The following PTDSS1 variants were observed in gnomAD, a reference collection of about 807,000 sequenced individuals.
PTDSS1 encodes the protein PSS-1.
PTDSS1 carries 45 observed loss-of-function variants against 70.5 expected under a neutral mutation model. The ratio of observed to expected loss-of-function variants is 0.64; its 90% confidence interval spans 0.50 to 0.82. PTDSS1 has a LOEUF of 0.82. Among genes scored for constraint, PTDSS1 ranks in the 40% least tolerant of loss-of-function variants. The probability of loss-of-function intolerance (pLI) is 0.00; values close to 1 mark genes in which losing one functional copy is unlikely to be tolerated. For missense variants in PTDSS1, 417 were observed against 586.1 expected (o/e 0.71, Z 2.98); for synonymous variants, 188 against 203.8 (o/e 0.92, Z 0.66).
At chr8:96,292,289 C>CAAAAAAAA (rs34282078) in intron 4 of PTDSS1, among the ~76,000 whole-genome samples, 5 of 87,804 alleles carry the variant, frequency 5.7e-5, no homozygotes, top group African/African-American at 6.9e-5. Flanking sequence ...AACGCTGTCT[C>CAAAAAAAA]AAAAAAAAAA....
At chr8:96,309,288 A>G in intron 8 of PTDSS1, 1 of 247,558 alleles carries the variant, frequency 4.0e-6, no homozygotes. Context: ...GGTTGCGATC[A>G]GTTAGTTGTA....
Position 96,330,682 on chromosome 8 carries a change from G to A in PTDSS1, c.1243-344G>A, listed in dbSNP as rs1811502561. On this transcript the variant is annotated intron_variant, in intron 11 of 12. Transcript: ENST00000517309. ...CGCTTGCCCTGACCTTCATTTAGTAGATATGAGGATACCATAGAAAATAGA... is the reference window on the plus strand; with the variant it reads ...CGCTTGCCCTGACCTTCATTTAGTAAATATGAGGATACCATAGAAAATAGA... The A allele has an allele frequency of 1.6e-5, 6 of 372,288 alleles. No homozygotes were observed. The South Asian group carries it at 2.0e-4, about 12-fold the overall frequency. The allele number at this position is 372,288 out of a possible 1,614,324, so 23.1% of individuals were successfully genotyped here.
At chr8:96,276,208 T>G (rs1284639385) in intron 2 of PTDSS1, among the ~76,000 whole-genome samples, 1 of 152,234 alleles carries the variant, frequency 6.6e-6, no homozygotes, top group East Asian at 1.9e-4. Context: ...AGGCGTCCCT[T>G]CTCTAAGTCT....
chr8:96,336,318 C>T lies in PTDSS1; in HGVS notation c.*2752C>T, dbSNP rs549254889. On this transcript the variant is annotated 3_prime_UTR_variant, in exon 13 of 13. Coordinates refer to ENST00000517309, the MANE Select transcript of PTDSS1 (RefSeq NM_014754.3). ...TTCCCTCAGAAGCCACCGTGTAGCA[C>T]CCTGGAATGATGCCTCTTTATGCCA... 4 of 152,104 alleles carry T rather than the reference C, an allele frequency of 2.6e-5. No homozygotes were observed. The highest frequency in any genetic ancestry group is 9.7e-5 in the African/African-American group (4 of 41,332). 9.4% of individuals were successfully genotyped at this position (152,104 alleles called of 1,614,324 possible). A position where few individuals can be genotyped will look rare whatever the true frequency, so the allele number is the denominator to read the frequency against.
In PTDSS1 at chr8:96,299,647, C is replaced by T. The variant is rs201256591; in HGVS notation, c.601-47C>T. On this transcript the variant is annotated intron_variant, in intron 5 of 12. Coordinates refer to ENST00000517309, the MANE Select transcript of PTDSS1 (RefSeq NM_014754.3). ...AGGAAATCTATCTATCTGCATGGTACCCCAGTTTTGTTTATTTTTCCAACC... is the reference window on the plus strand; with the variant it reads ...AGGAAATCTATCTATCTGCATGGTATCCCAGTTTTGTTTATTTTTCCAACC... 4.6e-6 allele frequency: 7 copies of T among 1,538,284 alleles called. No individual in the cohort carries two copies. The Admixed American group carries it at 1.3e-4, about 28-fold the overall frequency.
chr8:96,274,142 A>G (rs1045230581), intron 2 of PTDSS1, among the ~76,000 whole-genome samples: 2 of 135,586 alleles, frequency 1.5e-5, no homozygotes, highest in African/African-American at 5.5e-5. Flanking sequence ...CTTGTCTTCT[A>G]TTTTTTTTTT....
chr8:96,326,367 G>GTT (rs57870312), intron 10 of PTDSS1, among the ~76,000 whole-genome samples: 1 of 151,900 alleles, frequency 6.6e-6, no homozygotes, highest in African/African-American at 2.4e-5. Context: ...AGTGGAATTT[G>GTT]TTTTTTTTCT....
intron 11 of PTDSS1, 165 bp downstream of exon 11, chr8:96,330,446 C>A: frequency 1.5e-6 from 1 of 650,736 alleles, no homozygotes; most frequent in Non-Finnish European, 2.7e-6. Flanking sequence ...ATTCCCTAGC[C>A]ATTGCTGGCC....
Position 96,320,433 on chromosome 8 carries a change from A to G in PTDSS1, c.1173+88A>G, listed in dbSNP as rs3735987. 513,793 of 1,122,274 alleles carry G rather than the reference A, an allele frequency of 0.46. 122,164 individuals are homozygous for G. The highest frequency in any genetic ancestry group is 0.49 in the Non-Finnish European group (369,425 of 761,082). The allele number at this position is 1,122,274 out of a possible 1,614,324, so 69.5% of individuals were successfully genotyped here. On this transcript the variant is annotated intron_variant, in intron 10 of 12. Coordinates refer to ENST00000517309, the MANE Select transcript of PTDSS1 (RefSeq NM_014754.3). ...GGGGGGCAAAGAAACCCTCTTGTGT[A>G]TCAAAGTTCCTTAGAAATTCATAAA...
chr8:96,262,665 G>A lies in PTDSS1; in HGVS notation c.179+446G>A, dbSNP rs1810426213. On this transcript the variant is annotated intron_variant, in intron 1 of 12. Transcript: ENST00000517309. This position sits in a 1 kb window ranked among gnomAD's most constrained non-coding sequence, Gnocchi z 4.4. ...GCACCCCAATCCACAGCGCCTGCAG[G>A]CACCATACACAGGCCCAGGACACAA... 6.6e-6 allele frequency among the ~76,000 whole-genome samples: 1 copy of A among 152,096 alleles called. No homozygotes were observed. Among genetic ancestry groups the A allele is most frequent in the South Asian group, 2.1e-4 (1 of 4,828 alleles).
At chr8:96,299,016 GGC>G (rs1433394665) in intron 5 of PTDSS1, among the ~76,000 whole-genome samples, 31 of 151,328 alleles carry the variant, frequency 2.0e-4, no homozygotes, top group African/African-American at 7.3e-4. Flanking sequence ...CTCCAGCCTG[GGC>G]AACAGAGCAA....
chr8:96,264,082 ACAG>A (rs1187197909), intron 1 of PTDSS1, among the ~76,000 whole-genome samples: 1 of 152,196 alleles, frequency 6.6e-6, no homozygotes, highest in African/African-American at 2.4e-5. Context: ...AGACCTTTCC[ACAG>A]TACCTGACCA....
At chr8:96,297,697 A>T (rs1232646983) in intron 5 of PTDSS1, among the ~76,000 whole-genome samples, 1 of 152,108 alleles carries the variant, frequency 6.6e-6, no homozygotes, top group Non-Finnish European at 1.5e-5. Flanking sequence ...TCAGCTCTGG[A>T]AGGCTTTCCC....
chr8:96,292,047 A>G (rs1810914734), intron 4 of PTDSS1, among the ~76,000 whole-genome samples: 1 of 152,122 alleles, frequency 6.6e-6, no homozygotes, highest in South Asian at 2.1e-4. Context: ...TTGGGAGGCC[A>G]TGGTGGGCAG....
intron 9 of PTDSS1, among the ~76,000 whole-genome samples, chr8:96,319,214 C>T (rs1400206422): frequency 6.6e-6 from 1 of 152,000 alleles, no homozygotes; most frequent in Non-Finnish European, 1.5e-5. Context: ...ATGCCCTGCC[C>T]CTTCTTGCCT....
intron 6 of PTDSS1, among the ~76,000 whole-genome samples, chr8:96,301,536 T>G (rs934083616): frequency 4.6e-5 from 7 of 152,246 alleles, no homozygotes; most frequent in Admixed American, 2.0e-4. Flanking sequence ...TTGTTTTTTT[T>G]GAGATGGAGT....
chr8:96,302,660 C>T (rs1157843630), intron 6 of PTDSS1, among the ~76,000 whole-genome samples: 4 of 152,178 alleles, frequency 2.6e-5, no homozygotes, highest in Non-Finnish European at 5.9e-5. Context: ...TGGCTCACTG[C>T]AACCTCTGTC....
intron 1 of PTDSS1, among the ~76,000 whole-genome samples, chr8:96,267,960 C>T (rs1450594578): frequency 1.3e-5 from 2 of 152,222 alleles, no homozygotes; most frequent in Admixed American, 6.5e-5. Flanking sequence ...AGATACCTTT[C>T]TCAATTGTTC....
chr8:96,296,546 A>G (rs1415382342), intron 5 of PTDSS1, among the ~76,000 whole-genome samples: 1 of 152,164 alleles, frequency 6.6e-6, no homozygotes, highest in Non-Finnish European at 1.5e-5. Flanking sequence ...TTAACAAAGT[A>G]CCTCTCCAAT....
Sources: gnomAD v4.1 joint callset for allele counts (sites outside exome capture counted in the v4.1 genomes callset) on GRCh38, gnomAD v4.1.1 for gene constraint, Gnocchi (gnomAD v3.1) non-coding constraint, MANE v1.5 for transcripts, NCBI Gene and HGNC (gene_info 2026-07-23, HGNC 2026-07-21) for gene names.